The following DAB2IP variants were observed in gnomAD, a reference collection of about 807,000 sequenced individuals.
DAB2IP encodes disabled homolog 2-interacting protein.
Under a neutral mutation model 107.2 loss-of-function variants are expected in DAB2IP, and 28 were observed. The observed-to-expected ratio is 0.26, with a 90% confidence interval of 0.19 to 0.36. The LOEUF (loss-of-function observed/expected upper bound fraction) is 0.36. DAB2IP is among the 10% of genes least tolerant of loss of function. The probability of loss-of-function intolerance (pLI) is 1.00; values close to 1 mark genes in which losing one functional copy is unlikely to be tolerated. For synonymous variants in DAB2IP, 755 were observed against 706.4 expected, an observed-to-expected ratio of 1.07 and a Z score of -1.09; for missense variants, 1,400 against 1,644.7, an observed-to-expected ratio of 0.85 and a Z score of 2.57.
intron 1 of DAB2IP, among the ~76,000 whole-genome samples, chr9:121,602,636 C>T (rs1404156952): frequency 2.6e-5 from 4 of 152,162 alleles, no homozygotes; most frequent in African/African-American, 4.8e-5. Context: ...AGTGCAGTGG[C>T]GTGATCTCGG....
chr9:121,714,310 A>G (rs1351175609), intron 3 of DAB2IP, among the ~76,000 whole-genome samples: 1 of 152,242 alleles, frequency 6.6e-6, no homozygotes, highest in African/African-American at 2.4e-5. Flanking sequence ...ATGAGTCATT[A>G]TGGAGGGAAA....
intron 1 of DAB2IP, among the ~76,000 whole-genome samples, chr9:121,570,834 C>G (rs1000121905): frequency 6.6e-6 from 1 of 151,330 alleles, no homozygotes; most frequent in Admixed American, 6.6e-5. Flanking sequence ...AGGCATGAGC[C>G]ACAGTGCCGG....
chr9:121,668,144 C>A (rs567142530), intron 1 of DAB2IP, among the ~76,000 whole-genome samples: 44 of 151,892 alleles, frequency 2.9e-4, no homozygotes, highest in Non-Finnish European at 5.6e-4. Context: ...TTCAAGATGA[C>A]ATTTGAGTGG....
chr9:121,702,179 G>A lies in DAB2IP; in HGVS notation c.362+2721G>A, dbSNP rs1487112956. On this transcript the variant is annotated intron_variant, in intron 3 of 15. Coordinates refer to ENST00000408936, the Ensembl canonical transcript of DAB2IP. The surrounding 1 kb of genome is among the most constrained non-coding windows in gnomAD (Gnocchi z 4.5). ...TTGTTGAATGCTGTCTGCGTGCTCC[G>A]CAAGCTGCTGTGTTGGGGAGGTGGT... Among the ~76,000 whole-genome samples the A allele has an allele frequency of 2.0e-5, 3 of 152,204 alleles. No individual in the cohort carries two copies. Among genetic ancestry groups the A allele is most frequent in the African/African-American group, 7.2e-5 (3 of 41,442 alleles).
intron 5 of DAB2IP, 21 bp from the exon 6 acceptor site, chr9:121,759,864 T>C: frequency 1.3e-6 from 2 of 1,598,200 alleles, no homozygotes; most frequent in Non-Finnish European, 1.7e-6. Context: ...CTGACCACCC[T>C]GGACCCCCGT....
chr9:121,678,623 A>T (rs1234536953), intron 1 of DAB2IP, 55 bp from the exon 2 acceptor site: 2 of 1,389,330 alleles, frequency 1.4e-6, no homozygotes, highest in African/African-American at 3.0e-5. Flanking sequence ...AGGAGGCCCT[A>T]GCTGTGTGGC....
At chr9:121,729,747 G>T (rs1443696589) in intron 3 of DAB2IP, among the ~76,000 whole-genome samples, 1 of 152,118 alleles carries the variant, frequency 6.6e-6, no homozygotes, top group Non-Finnish European at 1.5e-5. Context: ...GAAAGTTTTT[G>T]TTTTGTTTGT....
At chr9:121,580,304 A>T (rs920776255) in intron 1 of DAB2IP, among the ~76,000 whole-genome samples, 2 of 152,176 alleles carry the variant, frequency 1.3e-5, no homozygotes, top group Admixed American at 1.3e-4. Flanking sequence ...TAGAACAGGC[A>T]CTCAAGGCTA....
chr9:121,777,560 T>G (rs1164342146), intron 14 of DAB2IP, among the ~76,000 whole-genome samples: 1 of 152,258 alleles, frequency 6.6e-6, no homozygotes, highest in African/African-American at 2.4e-5. Flanking sequence ...AGAGACTTGC[T>G]TAACACGTTC....
rs868194396 is a variant in DAB2IP, at chr9:121,699,088, G to C, written c.229-237G>C. On this transcript the variant is annotated intron_variant, in intron 2 of 15. Coordinates refer to ENST00000408936, the Ensembl canonical transcript of DAB2IP. The surrounding 1 kb of genome is among the most constrained non-coding windows in gnomAD (Gnocchi z 6.2). The stretch of plus-strand genomic sequence containing the variant: ...GCGTCGCCAAGGCAACAGCGGCTTA[G>C]GGGGCGGGGGCGACGTGGCGGGCGG... 2.0e-5 allele frequency among the ~76,000 whole-genome samples: 3 copies of C among 147,716 alleles called. No individual in the cohort carries two copies. Among genetic ancestry groups the C allele is most frequent in the Non-Finnish European group, 3.0e-5 (2 of 66,440 alleles).
At chr9:121,754,255 G>A (rs1195809353) in intron 3 of DAB2IP, among the ~76,000 whole-genome samples, 1 of 152,224 alleles carries the variant, frequency 6.6e-6, no homozygotes, top group African/African-American at 2.4e-5. Flanking sequence ...GATGAGGGAG[G>A]GACCGAGGAC....
intron 3 of DAB2IP, among the ~76,000 whole-genome samples, chr9:121,706,471 G>A (rs1277984874): frequency 6.6e-6 from 1 of 152,164 alleles, no homozygotes; most frequent in African/African-American, 2.4e-5. Context: ...AGTTCGCGGT[G>A]GAGTCACCTG....
At chr9:121,580,984 G>T (rs939082205) in intron 1 of DAB2IP, among the ~76,000 whole-genome samples, 1 of 152,232 alleles carries the variant, frequency 6.6e-6, no homozygotes, top group Non-Finnish European at 1.5e-5. Context: ...AGGTGCGCAG[G>T]CCTGGAGAGG....
intron 6 of DAB2IP, among the ~76,000 whole-genome samples, chr9:121,762,824 T>C (rs1833991458): frequency 6.6e-6 from 1 of 151,976 alleles, no homozygotes; most frequent in Admixed American, 6.6e-5. Flanking sequence ...AGGGGGAAGG[T>C]GTGGGTTCGG....
At chr9:121,731,132 A>T (rs1204036406) in intron 3 of DAB2IP, among the ~76,000 whole-genome samples, 1 of 152,042 alleles carries the variant, frequency 6.6e-6, no homozygotes, top group Non-Finnish European at 1.5e-5. Context: ...AGCCTGTTAT[A>T]TATATTTTTT....
intron 3 of DAB2IP, among the ~76,000 whole-genome samples, chr9:121,704,423 G>A (rs996379001): frequency 3.3e-5 from 5 of 152,132 alleles, no homozygotes; most frequent in African/African-American, 7.2e-5. Context: ...GTTGGTGATC[G>A]AATAGTGCTT....
At chr9:121,596,172 T>C (rs904695168) in intron 1 of DAB2IP, among the ~76,000 whole-genome samples, 11 of 151,710 alleles carry the variant, frequency 7.3e-5, no homozygotes, top group African/African-American at 2.7e-4. Context: ...AAATACAAAA[T>C]AATACAAAAT....
At chr9:121,742,023 TG>T (rs1332867637) in intron 3 of DAB2IP, among the ~76,000 whole-genome samples, 2 of 152,084 alleles carry the variant, frequency 1.3e-5, no homozygotes, top group Non-Finnish European at 1.5e-5. Context: ...GAAACTTATT[TG>T]GCTTCCAGGC....
chr9:121,764,946 G>C (rs1027493383), intron 8 of DAB2IP, among the ~76,000 whole-genome samples: 1 of 152,232 alleles, frequency 6.6e-6, no homozygotes, highest in African/African-American at 2.4e-5. Context: ...TCAGGACTGG[G>C]CACACAGGAA....
Sources: gnomAD v4.1 joint callset for allele counts (sites outside exome capture counted in the v4.1 genomes callset) on GRCh38, gnomAD v4.1.1 for gene constraint, Gnocchi (gnomAD v3.1) non-coding constraint, MANE v1.5 for transcripts, NCBI Gene and HGNC (gene_info 2026-07-23, HGNC 2026-07-21) for gene names.